PLAA: variants seen among roughly 807,000 people sequenced by gnomAD.
PLAA encodes the protein phospholipase A-2-activating protein.
Under a neutral mutation model 84.1 loss-of-function variants are expected in PLAA, and 48 were observed. The observed-to-expected ratio is 0.57, with a 90% confidence interval of 0.45 to 0.73. The LOEUF is 0.73. Among genes scored for constraint, PLAA ranks in the 30% least tolerant of loss-of-function variants. The pLI is 0.00. For synonymous variants in PLAA, 392 were observed against 336.6 expected, an observed-to-expected ratio of 1.16 and a Z score of -1.80; for missense variants, 903 against 954.7, an observed-to-expected ratio of 0.95 and a Z score of 0.71.
At chr9:26,933,446 G>A (rs1183892931) in intron 2 of PLAA, among the ~76,000 whole-genome samples, 1 of 151,466 alleles carries the variant, frequency 6.6e-6, no homozygotes, top group Non-Finnish European at 1.5e-5. Flanking sequence ...CCGAGACTCC[G>A]TCTCAAAATA....
chr9:26,944,227 G>A (rs1825622606), intron 1 of PLAA, among the ~76,000 whole-genome samples: 1 of 152,140 alleles, frequency 6.6e-6, no homozygotes, highest in Admixed American at 6.5e-5. Flanking sequence ...CAGCAGCAAA[G>A]AGGCCCTCTC....
chr9:26,945,425 C>G (rs905620209), intron 1 of PLAA, among the ~76,000 whole-genome samples: 2 of 152,168 alleles, frequency 1.3e-5, no homozygotes, highest in African/African-American at 4.8e-5. Flanking sequence ...ATTAGTATTA[C>G]TAAGTAGTTT....
chr9:26,930,803 G>A lies in PLAA; in HGVS notation c.344-2395C>T, dbSNP rs116288592. Among the ~76,000 whole-genome samples, 1,086 of 151,202 alleles carry A rather than the reference G, an allele frequency of 7.2e-3. 15 individuals carry two copies. Among genetic ancestry groups the A allele is most frequent in the African/African-American group, 0.025 (1,027 of 41,204 alleles). On this transcript the variant is annotated intron_variant, in intron 2 of 13. Transcript: ENST00000397292. ...TCACCATGTCAGTCAGGCTGGTCGT[G>A]AACTCCTGACTTCAAGTGATCCACC...
intron 11 of PLAA, among the ~76,000 whole-genome samples, chr9:26,910,759 G>A (rs1035922009): frequency 1.3e-5 from 2 of 152,022 alleles, no homozygotes; most frequent in Non-Finnish European, 2.9e-5. Flanking sequence ...CTGGGCTCAA[G>A]CAATCCTCCC....
At position 26,915,830 on chromosome 9, in the gene PLAA, A is replaced by G. The variant is rs545473374; in HGVS notation, c.1486+1267T>C. 5.1e-6 allele frequency: 5 copies of G among 985,280 alleles called. No individual in the cohort carries two copies. The African/African-American group carries it at 7.0e-5, about 14-fold the overall frequency. The allele number at this position is 985,280 out of a possible 1,614,324, so 61.0% of individuals were successfully genotyped here. On this transcript the variant is annotated intron_variant, in intron 10 of 13. Coordinates refer to ENST00000397292, the MANE Select transcript of PLAA (RefSeq NM_001031689.3). ...TTTTGCTGGTATTAGTTGAAGCTTG[A>G]TATGTTCTTTCTGTTCCAGAAAAAA...
intron 7 of PLAA, among the ~76,000 whole-genome samples, chr9:26,920,745 T>C (rs1359349787): frequency 6.6e-6 from 1 of 152,190 alleles, no homozygotes; most frequent in Non-Finnish European, 1.5e-5. Context: ...TACCTTTCTC[T>C]CAACCCCATC....
At chr9:26,922,550 T>C (rs1048929191) in intron 7 of PLAA, among the ~76,000 whole-genome samples, 3 of 152,210 alleles carry the variant, frequency 2.0e-5, no homozygotes, top group Non-Finnish European at 4.4e-5. Context: ...AGCACTGGTA[T>C]AATAATGCAA....
intron 11 of PLAA, among the ~76,000 whole-genome samples, chr9:26,911,051 CT>C (rs967377948): frequency 4.0e-4 from 59 of 148,498 alleles, no homozygotes; most frequent in East Asian, 3.5e-3. Context: ...CCTAGTCTTT[CT>C]TTTTTTTTTA....
At chr9:26,909,166 T>C (rs1265023240) in intron 12 of PLAA, among the ~76,000 whole-genome samples, 1 of 152,110 alleles carries the variant, frequency 6.6e-6, no homozygotes, top group East Asian at 1.9e-4. Context: ...CAAATTCCGA[T>C]AATAAGGAAA....
chr9:26,945,805 A>C (rs1825678552), intron 1 of PLAA, among the ~76,000 whole-genome samples: 1 of 152,034 alleles, frequency 6.6e-6, no homozygotes, highest in South Asian at 2.1e-4. Flanking sequence ...AATCCTCCCT[A>C]TTTGCTCTTC....
intron 12 of PLAA, among the ~76,000 whole-genome samples, chr9:26,908,449 A>G (rs977321425): frequency 1.9e-4 from 29 of 150,080 alleles, no homozygotes; most frequent in African/African-American, 6.6e-4. Flanking sequence ...TACAGGTGTG[A>G]GCCACCACGC....
Position 26,905,910 on chromosome 9 carries a change from A to G in PLAA, c.1989T>C (p.Phe663=), listed in dbSNP as rs368816211. 2 of 1,614,070 alleles carry G rather than the reference A, an allele frequency of 1.2e-6. No homozygotes were observed. Among genetic ancestry groups the G allele is most frequent in the Non-Finnish European group, 1.7e-6 (2 of 1,180,036 alleles). ...PANQLLALRT[F]CNCFVGQAGQ... The stretch of plus-strand genomic sequence containing the variant: ...CTGCCTGGCCAACAAAACAATTGCA[A>G]AAAGTCCTGAGAGCAAGCAGCTGGT... The change falls in exon 14 of 14, where the codon TTT becomes TTC. Residue 663 remains phenylalanine, a synonymous_variant. Coordinates refer to ENST00000397292, the MANE Select transcript of PLAA (RefSeq NM_001031689.3).
Position 26,919,320 on chromosome 9 carries a change from A to T in PLAA, c.1407T>A (p.Asp469Glu). The change falls in exon 9 of 14, where the codon GAT becomes GAA. Residue 469 changes from aspartate to glutamate, a missense_variant. Transcript: ENST00000397292. ...MLGLGNPSFS[D>E]PFTGGGRYVP... ...TAAACACTAACTTACCTGTAAATGGATCTGAAAAGCTGGGATTCCCAAGTC... is the reference window on the plus strand; with the variant it reads ...TAAACACTAACTTACCTGTAAATGGTTCTGAAAAGCTGGGATTCCCAAGTC... 1.2e-6 allele frequency: 2 copies of T among 1,606,316 alleles called. No homozygotes were observed. The highest frequency in any genetic ancestry group is 1.7e-6 in the Non-Finnish European group (2 of 1,175,386).
chr9:26,908,232 ATCT>A (rs1451812284), intron 12 of PLAA, among the ~76,000 whole-genome samples: 2 of 144,912 alleles, frequency 1.4e-5, no homozygotes, highest in East Asian at 4.0e-4. Context: ...CAGTGGCGCC[ATCT>A]TGGCTCACTG....
intron 1 of PLAA, among the ~76,000 whole-genome samples, chr9:26,939,834 C>A (rs892656017): frequency 1.8e-4 from 28 of 151,808 alleles, no homozygotes; most frequent in African/African-American, 6.5e-4. Context: ...ATAAAAAGTT[C>A]GGTACAGGAA....
intron 4 of PLAA, 124 bp from the exon 5 acceptor site, chr9:26,926,684 T>C (rs1824978259): frequency 2.9e-6 from 2 of 693,336 alleles, no homozygotes; most frequent in African/African-American, 1.8e-5. Context: ...GTTAGAGAAA[T>C]CTTTTTTTTT....
chr9:26,946,402 C>T (rs1825714619), intron 1 of PLAA, among the ~76,000 whole-genome samples: 1 of 151,684 alleles, frequency 6.6e-6, no homozygotes, highest in Admixed American at 6.6e-5. Context: ...CCAGCACAGA[C>T]CACAGACTAA....
intron 1 of PLAA, among the ~76,000 whole-genome samples, chr9:26,937,888 C>T (rs534374610): frequency 4.8e-5 from 7 of 147,176 alleles, no homozygotes; most frequent in Non-Finnish European, 1.0e-4. Flanking sequence ...AAAAAATGAA[C>T]AGAGCCTAAG....
Position 26,903,790 on chromosome 9 carries a change from G to C in PLAA, c.*1721C>G, listed in dbSNP as rs1444403807. Among the ~76,000 whole-genome samples, 4 of 152,156 alleles carry C rather than the reference G, an allele frequency of 2.6e-5. No individual in the cohort carries two copies. Among genetic ancestry groups the C allele is most frequent in the Admixed American group, 2.6e-4 (4 of 15,278 alleles). On this transcript the variant is annotated 3_prime_UTR_variant, in exon 14 of 14. Transcript: ENST00000397292. The stretch of plus-strand genomic sequence containing the variant: ...ACATAAAAAAACTTGCACAGTAATA[G>C]GAAGCAGTGTTTACATTTTGCCACC...
Sources: allele counts gnomAD v4.1 joint callset (sites outside exome capture counted in the v4.1 genomes callset), GRCh38; gene constraint gnomAD v4.1.1; transcripts MANE v1.5; gene names NCBI Gene and HGNC (gene_info 2026-07-23, HGNC 2026-07-21).